ANGPT2: variants seen among roughly 807,000 people sequenced by gnomAD.
The protein encoded by ANGPT2 is angiopoietin-2.
A neutral mutation model predicts 62.9 loss-of-function variants in ANGPT2; 28 were observed. That is an observed-to-expected ratio of 0.44 (90% CI 0.33 to 0.61). The LOEUF (loss-of-function observed/expected upper bound fraction) is 0.61. Ranked by LOEUF, ANGPT2 falls within the 20% of genes least tolerant of loss-of-function variation. ANGPT2 has a pLI of 0.03. For missense variants in ANGPT2, 727 were observed against 594.9 expected (o/e 1.22, Z -2.31); for synonymous variants, 284 against 207.8 (o/e 1.37, Z -3.15).
chr8:6,538,247 A>G lies in ANGPT2; in HGVS notation c.289-5760T>C, dbSNP rs150789374. Reference sequence around the variant, plus strand: ...TTTACTGTTGCCCACTTCTATTTAGAAATAAGATATTGCAACCATCTGTCT... The same window carrying G: ...TTTACTGTTGCCCACTTCTATTTAGGAATAAGATATTGCAACCATCTGTCT... On this transcript the variant is annotated intron_variant, in intron 1 of 8. Coordinates refer to ENST00000629816, the MANE Select transcript of ANGPT2 (RefSeq NM_001118887.2). Among the ~76,000 whole-genome samples the G allele has an allele frequency of 5.1e-4, 78 of 152,284 alleles. 1 individual carries two copies. In the East Asian group the frequency reaches 0.012, roughly 24 times the overall value.
chr8:6,510,001 T>C (rs1451618323), intron 7 of ANGPT2, among the ~76,000 whole-genome samples: 1 of 152,182 alleles, frequency 6.6e-6, no homozygotes, highest in Non-Finnish European at 1.5e-5. Flanking sequence ...TAGTTTCTGC[T>C]GAATGCGTAT....
chr8:6,537,507 C>T (rs190981919), intron 1 of ANGPT2, among the ~76,000 whole-genome samples: 165 of 151,024 alleles, frequency 1.1e-3, no homozygotes, highest in Non-Finnish European at 1.9e-3. Context: ...GGCAGCGCAT[C>T]GAAACTCAAG....
chr8:6,536,615 T>A (rs1038201723), intron 1 of ANGPT2, among the ~76,000 whole-genome samples: 1 of 152,138 alleles, frequency 6.6e-6, no homozygotes, highest in Non-Finnish European at 1.5e-5. Context: ...CAAAGATTAG[T>A]AGTAATTTTT....
At chr8:6,520,030 A>G in intron 4 of ANGPT2, 39 bp from the exon 5 acceptor site, 1 of 1,606,808 alleles carries the variant, frequency 6.2e-7, no homozygotes, top group Non-Finnish European at 8.5e-7. Flanking sequence ...AACGGAGTTC[A>G]TGAAAAGACA....
At position 6,508,688 on chromosome 8, in the gene ANGPT2, G is replaced by T. The variant is rs532624065; in HGVS notation, c.1327+244C>A. 194 of 603,102 alleles carry T rather than the reference G, an allele frequency of 3.2e-4. No homozygotes were observed. In the African/African-American group the frequency reaches 3.5e-3, roughly 11 times the overall value. 37.4% of individuals were successfully genotyped at this position (603,102 alleles called of 1,614,324 possible). A position where few individuals can be genotyped will look rare whatever the true frequency, so the allele number is the denominator to read the frequency against. On this transcript the variant is annotated intron_variant, in intron 8 of 8. Coordinates refer to ENST00000629816, the MANE Select transcript of ANGPT2 (RefSeq NM_001118887.2). ...TAAGAATCAAATATCCCCTCTCCTT[G>T]CCAGGGCTAGGTCCTGAGGAGACAC... is the stretch of plus-strand genomic sequence containing the variant.
intron 1 of ANGPT2, among the ~76,000 whole-genome samples, chr8:6,538,601 T>G (rs1308168486): frequency 4.6e-5 from 7 of 152,234 alleles, no homozygotes; most frequent in Admixed American, 6.5e-5. Context: ...GCCGCCTTTG[T>G]ATCTCCTCCT....
At chr8:6,532,753 A>G (rs1819767246) in intron 1 of ANGPT2, among the ~76,000 whole-genome samples, 2 of 152,198 alleles carry the variant, frequency 1.3e-5, no homozygotes, top group Non-Finnish European at 1.5e-5. Flanking sequence ...GTGTTCTTCT[A>G]GAAGTCCATG....
intron 2 of ANGPT2, among the ~76,000 whole-genome samples, chr8:6,528,515 C>G (rs532029544): frequency 1.3e-5 from 2 of 152,194 alleles, no homozygotes; most frequent in South Asian, 4.1e-4. Context: ...TGCCATTTCT[C>G]CTTCCTGTTT....
chr8:6,560,228 C>CA (rs1488325411), intron 1 of ANGPT2, among the ~76,000 whole-genome samples: 1 of 151,684 alleles, frequency 6.6e-6, no homozygotes, highest in Non-Finnish European at 1.5e-5. Context: ...ACATTTTTTT[C>CA]AAAAAATAGC....
chr8:6,524,624 T>C (rs970758301), intron 3 of ANGPT2, among the ~76,000 whole-genome samples: 1 of 152,192 alleles, frequency 6.6e-6, no homozygotes, highest in Non-Finnish European at 1.5e-5. Context: ...TTTTAGGGTT[T>C]TGGAGAAAAA....
Position 6,514,057 on chromosome 8 carries a change from G to A in ANGPT2, c.1030-213C>T, listed in dbSNP as rs563867876. ...TGCTGCTGGAAGAAAACTTGTATTA[G>A]GATAATGAGAACTACTTGGGGAGCC... On this transcript the variant is annotated intron_variant, in intron 6 of 8. Coordinates refer to ENST00000629816, the MANE Select transcript of ANGPT2 (RefSeq NM_001118887.2). Among the ~76,000 whole-genome samples, 8 of 152,246 alleles carry A rather than the reference G, an allele frequency of 5.3e-5. No individual in the cohort carries two copies. In the South Asian group the frequency reaches 6.2e-4, roughly 12 times the overall value.
At chr8:6,543,125 C>G (rs769854645) in intron 1 of ANGPT2, among the ~76,000 whole-genome samples, 9 of 152,084 alleles carry the variant, frequency 5.9e-5, no homozygotes, top group Admixed American at 5.9e-4. Context: ...CCAAGACTTT[C>G]TGCTTCTTTA....
intron 1 of ANGPT2, among the ~76,000 whole-genome samples, chr8:6,552,752 G>A (rs1823875320): frequency 6.6e-6 from 1 of 151,584 alleles, no homozygotes; most frequent in Non-Finnish European, 1.5e-5. Context: ...GATACACAGT[G>A]ATTGTTTCGG....
At chr8:6,533,369 C>T (rs1819895125) in intron 1 of ANGPT2, among the ~76,000 whole-genome samples, 2 of 152,126 alleles carry the variant, frequency 1.3e-5, no homozygotes, top group African/African-American at 4.8e-5. Context: ...TGGGAAGAGC[C>T]TTTGGGCTTG....
In ANGPT2 at chr8:6,501,782, C is replaced by G. The variant is rs1180169195; in HGVS notation, c.*1319G>C. 1.3e-5 allele frequency: 2 copies of G among 152,002 alleles called. No homozygotes were observed. The highest frequency in any genetic ancestry group is 2.4e-5 in the African/African-American group (1 of 41,390). The allele number at this position is 152,002 out of a possible 1,614,324, so 9.4% of individuals were successfully genotyped here. A position where few individuals can be genotyped will look rare whatever the true frequency, so the allele number is the denominator to read the frequency against. ...ATGTTGTCCAGGCTGGTCTTGAACT[C>G]CTGACCTCAGGTGATCTGCCCACCT... On this transcript the variant is annotated 3_prime_UTR_variant, in exon 9 of 9. Coordinates refer to ENST00000629816, the MANE Select transcript of ANGPT2 (RefSeq NM_001118887.2).
At chr8:6,508,562 T>TG (rs1814266110) in intron 8 of ANGPT2, 1 of 398,928 alleles carries the variant, frequency 2.5e-6, no homozygotes, top group Non-Finnish European at 4.4e-6. Context: ...TCTATATTAC[T>TG]GTTGTGGTTG....
chr8:6,514,831 A>G (rs1403580655), intron 5 of ANGPT2, 53 bp from the exon 6 acceptor site: 5 of 1,406,954 alleles, frequency 3.6e-6, no homozygotes, highest in East Asian at 2.5e-5. Flanking sequence ...CTCCCCCCTT[A>G]CGTAGCAGAA....
chr8:6,544,568 G>A (rs1822198761), intron 1 of ANGPT2, among the ~76,000 whole-genome samples: 1 of 152,072 alleles, frequency 6.6e-6, no homozygotes, highest in Non-Finnish European at 1.5e-5. Context: ...TTTTTTTCAG[G>A]GTGTGTCATT....
chr8:6,560,652 G>A (rs753749340), intron 1 of ANGPT2, among the ~76,000 whole-genome samples: 24 of 152,138 alleles, frequency 1.6e-4, no homozygotes, highest in Non-Finnish European at 2.6e-4. Flanking sequence ...AGCTGAAGAC[G>A]GACTTTTGAA....
Sources: gnomAD v4.1 joint callset for allele counts (sites outside exome capture counted in the v4.1 genomes callset) on GRCh38, gnomAD v4.1.1 for gene constraint, MANE v1.5 for transcripts, NCBI Gene and HGNC (gene_info 2026-07-23, HGNC 2026-07-21) for gene names.